The following RBMS3 variants were observed in gnomAD, a reference collection of about 807,000 sequenced individuals.
RBMS3 encodes the protein RNA-binding motif, single-stranded-interacting protein 3.
In RBMS3, 27 loss-of-function variants were observed where a neutral mutation model predicts 66.8. The observed-to-expected ratio is 0.40, with a 90% CI of 0.30 to 0.56. The LOEUF is 0.56. RBMS3 is among the 20% of genes least tolerant of loss of function. RBMS3 has a pLI of 0.40. For missense variants in RBMS3, 513 were observed against 549.5 expected, an observed-to-expected ratio of 0.93 and a Z score of 0.66; for synonymous variants, 188 against 183.0, an observed-to-expected ratio of 1.03 and a Z score of -0.22.
intron 4 of RBMS3, chr3:29,698,183 T>G: frequency 2.0e-6 from 2 of 980,536 alleles, no homozygotes; most frequent in Non-Finnish European, 2.4e-6. Context: ...ACTGTTATTC[T>G]ATTTATAGCC....
chr3:29,288,357 C>T (rs949262211), intron 1 of RBMS3, among the ~76,000 whole-genome samples: 1 of 152,012 alleles, frequency 6.6e-6, no homozygotes, highest in Non-Finnish European at 1.5e-5. Flanking sequence ...TGTCTTCATC[C>T]TTTCACACAT....
At chr3:29,592,848 G>A (rs1030617308) in intron 4 of RBMS3, among the ~76,000 whole-genome samples, 1 of 151,986 alleles carries the variant, frequency 6.6e-6, no homozygotes, top group Non-Finnish European at 1.5e-5. Flanking sequence ...ATGAGTTCAT[G>A]TCCTTTGTAG....
intron 1 of RBMS3, among the ~76,000 whole-genome samples, chr3:29,428,283 G>C (rs576845062): frequency 8.2e-4 from 125 of 152,080 alleles, no homozygotes; most frequent in Middle Eastern, 3.4e-3. Context: ...TTTGGGAGAG[G>C]GCAGTGCAAC....
At chr3:29,776,781 T>TCACAA (rs2056441806) in intron 6 of RBMS3, among the ~76,000 whole-genome samples, 2 of 152,024 alleles carry the variant, frequency 1.3e-5, no homozygotes, top group Admixed American at 1.3e-4. Context: ...GTATATAAGG[T>TCACAA]ACACATCCTT....
At chr3:29,473,565 G>C (rs568762234) in intron 2 of RBMS3, among the ~76,000 whole-genome samples, 2 of 152,322 alleles carry the variant, frequency 1.3e-5, no homozygotes, top group African/African-American at 2.4e-5. Context: ...GGTGGCGCTC[G>C]TTGGGGAGGC....
intron 10 of RBMS3, among the ~76,000 whole-genome samples, chr3:29,906,791 A>G (rs2060390821): frequency 6.6e-6 from 1 of 152,072 alleles, no homozygotes. Flanking sequence ...GTTTTTCTGT[A>G]TTTATATCAA....
chr3:29,647,976 C>T (rs1237834722), intron 4 of RBMS3, among the ~76,000 whole-genome samples: 3 of 152,070 alleles, frequency 2.0e-5, no homozygotes, highest in African/African-American at 7.2e-5. Context: ...ATATGAATTC[C>T]TGAAAGACTT....
At chr3:29,809,646 C>A (rs1280195226) in intron 6 of RBMS3, among the ~76,000 whole-genome samples, 2 of 151,836 alleles carry the variant, frequency 1.3e-5, no homozygotes, top group Non-Finnish European at 2.9e-5. Flanking sequence ...GAGCTTACAT[C>A]TTTTGCTCTT....
At chr3:29,738,808 A>G (rs2054492482) in intron 4 of RBMS3, among the ~76,000 whole-genome samples, 1 of 152,144 alleles carries the variant, frequency 6.6e-6, no homozygotes, top group African/African-American at 2.4e-5. Context: ...TTCTGGGACT[A>G]TACTTTGAGA....
intron 6 of RBMS3, among the ~76,000 whole-genome samples, chr3:29,769,143 A>C (rs989866084): frequency 6.6e-6 from 1 of 151,884 alleles, no homozygotes; most frequent in African/African-American, 2.4e-5. Context: ...TAGAGGTAGT[A>C]GTCAGGTAGC....
chr3:29,915,484 C>G (rs749970578), intron 10 of RBMS3, among the ~76,000 whole-genome samples: 37 of 152,034 alleles, frequency 2.4e-4, no homozygotes, highest in Non-Finnish European at 4.3e-4. Context: ...GTTTTCTTCT[C>G]TGTTCTATTT....
chr3:29,707,506 A>C (rs59476316), intron 4 of RBMS3, among the ~76,000 whole-genome samples: 12,449 of 152,260 alleles, frequency 0.082, 1,704 homozygotes, highest in African/African-American at 0.28. Flanking sequence ...GCAATGGGTT[A>C]TCACCGTCTT....
intron 4 of RBMS3, among the ~76,000 whole-genome samples, chr3:29,655,758 G>C (rs532454008): frequency 3.9e-5 from 6 of 152,054 alleles, no homozygotes; most frequent in Non-Finnish European, 8.8e-5. Flanking sequence ...ACCTCAGGCA[G>C]GTCCTTCATG....
chr3:29,569,150 G>T (rs571219611), intron 3 of RBMS3, among the ~76,000 whole-genome samples: 1 of 152,200 alleles, frequency 6.6e-6, no homozygotes, highest in South Asian at 2.1e-4. Flanking sequence ...TGCTTGCAGA[G>T]CCATTTTCCT....
intron 4 of RBMS3, among the ~76,000 whole-genome samples, chr3:29,649,032 C>T (rs895544214): frequency 9.2e-5 from 14 of 152,320 alleles, no homozygotes; most frequent in South Asian, 8.3e-4. Context: ...ACTTTGTCCT[C>T]ATTCCCTGCT....
At chr3:29,755,092 C>T (rs969661139) in intron 5 of RBMS3, among the ~76,000 whole-genome samples, 1 of 152,102 alleles carries the variant, frequency 6.6e-6, no homozygotes, top group African/African-American at 2.4e-5. Context: ...GTAATGTATT[C>T]CAGAGTCATT....
intron 4 of RBMS3, among the ~76,000 whole-genome samples, chr3:29,656,634 A>G (rs919979880): frequency 4.6e-5 from 7 of 152,170 alleles, no homozygotes; most frequent in Admixed American, 2.6e-4. Context: ...ATGAGTTTAT[A>G]CCTGTTAGCA....
intron 6 of RBMS3, among the ~76,000 whole-genome samples, chr3:29,840,682 G>T (rs895763365): frequency 6.6e-6 from 1 of 151,984 alleles, no homozygotes; most frequent in Non-Finnish European, 1.5e-5. Context: ...GCTGGCATAT[G>T]ATAGATATAT....
rs553495207 is a variant in RBMS3, at chr3:29,376,625, C to A, written c.76-58118C>A. The stretch of plus-strand genomic sequence containing the variant: ...GTCTCTACTAAAAAATACAAAAAAA[C>A]GACCAGGCGCAGTGGCTCATGCCTG... On this transcript the variant is annotated intron_variant, in intron 1 of 14. Transcript: ENST00000383767. Among the ~76,000 whole-genome samples the A allele has an allele frequency of 2.6e-4, 39 of 152,074 alleles. No homozygotes were observed. The South Asian group carries it at 8.1e-3, about 32-fold the overall frequency.
Sources: allele counts gnomAD v4.1 joint callset (sites outside exome capture counted in the v4.1 genomes callset), GRCh38; gene constraint gnomAD v4.1.1; transcripts MANE v1.5; gene names NCBI Gene and HGNC (gene_info 2026-07-23, HGNC 2026-07-21).